MACROD2: variants seen among roughly 807,000 people sequenced by gnomAD.
The protein encoded by MACROD2 is mono-ADP ribosylhydrolase 2, also known as ADP-ribose glycohydrolase MACROD2.
A neutral mutation model predicts 70.4 loss-of-function variants in MACROD2; 36 were observed. That is an observed-to-expected ratio of 0.51 (90% confidence interval 0.39 to 0.68). The LOEUF is 0.68. Among genes scored for constraint, MACROD2 ranks in the 30% least tolerant of loss-of-function variants. The pLI is 0.00. For synonymous variants in MACROD2, 172 were observed against 178.8 expected (o/e 0.96, Z 0.30); for missense variants, 496 against 538.4 (o/e 0.92, Z 0.78).
chr20:15,902,368 T>C (rs1005033354), intron 10 of MACROD2, among the ~76,000 whole-genome samples: 1 of 152,056 alleles, frequency 6.6e-6, no homozygotes, highest in Admixed American at 6.5e-5. Context: ...AGGCCTCTAC[T>C]CTCTTGGGGC....
intron 8 of MACROD2, among the ~76,000 whole-genome samples, chr20:15,830,164 G>A (rs1313972049): frequency 6.6e-6 from 1 of 152,146 alleles, no homozygotes; most frequent in Non-Finnish European, 1.5e-5. Context: ...CATAGGTGGA[G>A]ATCATGTCAA....
At chr20:14,137,260 CTCTATTCTTACAAGAG>C (rs1463095789) in intron 3 of MACROD2, among the ~76,000 whole-genome samples, 2 of 152,138 alleles carry the variant, frequency 1.3e-5, no homozygotes, top group Non-Finnish European at 2.9e-5. Flanking sequence ...GTATTACATA[CTCTATTCTTACAAGAG>C]TAAGCTAGAG....
At chr20:15,620,073 A>G in intron 8 of MACROD2, among the ~76,000 whole-genome samples, 1 of 152,122 alleles carries the variant, frequency 6.6e-6, no homozygotes, top group East Asian at 1.9e-4. Context: ...TGATGAAATG[A>G]TGGCAAGGCT....
At chr20:15,787,690 C>T (rs1175861332) in intron 8 of MACROD2, among the ~76,000 whole-genome samples, 1 of 151,900 alleles carries the variant, frequency 6.6e-6, no homozygotes, top group Admixed American at 6.6e-5. Context: ...ATATTGACTC[C>T]AACTTTTAAA....
intron 15 of MACROD2, among the ~76,000 whole-genome samples, chr20:16,012,887 G>C (rs2066881574): frequency 6.6e-6 from 1 of 152,132 alleles, no homozygotes; most frequent in African/African-American, 2.4e-5. Flanking sequence ...ACCAATAGAA[G>C]AGCTAGAAAG....
At chr20:15,223,490 T>A (rs1453659719) in intron 5 of MACROD2, among the ~76,000 whole-genome samples, 2 of 152,202 alleles carry the variant, frequency 1.3e-5, no homozygotes, top group Non-Finnish European at 2.9e-5. Context: ...GTGCCAGTCA[T>A]TTCTATCTAG....
At chr20:15,794,014 A>G (rs2063650223) in intron 8 of MACROD2, among the ~76,000 whole-genome samples, 2 of 151,150 alleles carry the variant, frequency 1.3e-5, no homozygotes, top group Admixed American at 1.3e-4. Context: ...AAGAATGACA[A>G]TATGCAGCAT....
intron 3 of MACROD2, among the ~76,000 whole-genome samples, chr20:14,206,135 T>C (rs1958095352): frequency 1.3e-5 from 2 of 152,178 alleles, no homozygotes; most frequent in South Asian, 4.1e-4. Flanking sequence ...TGACATTCAG[T>C]GGACAGAGCA....
chr20:15,669,456 G>C (rs1319386365), intron 8 of MACROD2, among the ~76,000 whole-genome samples: 1 of 152,156 alleles, frequency 6.6e-6, no homozygotes, highest in African/African-American at 2.4e-5. Flanking sequence ...TCTTGAAACT[G>C]TCAGTAATGT....
At chr20:14,899,435 A>G (rs2073869842) in intron 5 of MACROD2, among the ~76,000 whole-genome samples, 1 of 152,128 alleles carries the variant, frequency 6.6e-6, no homozygotes, top group South Asian at 2.1e-4. Flanking sequence ...AATTTGTTCC[A>G]TAGCTATCCC....
At chr20:15,304,866 G>A (rs2077681859) in intron 6 of MACROD2, among the ~76,000 whole-genome samples, 2 of 152,228 alleles carry the variant, frequency 1.3e-5, no homozygotes, top group African/African-American at 4.8e-5. Flanking sequence ...TTTGGTCTGT[G>A]TGCCCTCATG....
At chr20:14,122,220 G>A (rs567281281) in intron 3 of MACROD2, among the ~76,000 whole-genome samples, 61 of 152,232 alleles carry the variant, frequency 4.0e-4, no homozygotes, top group African/African-American at 1.4e-3. Context: ...GATTTGAATT[G>A]TCTCTCTTTT....
intron 5 of MACROD2, among the ~76,000 whole-genome samples, chr20:15,179,142 C>T (rs751315522): frequency 1.3e-4 from 20 of 152,100 alleles, no homozygotes; most frequent in Admixed American, 1.3e-3. Context: ...AGAGTATTGA[C>T]TGGTAGGTGG....
intron 4 of MACROD2, among the ~76,000 whole-genome samples, chr20:14,531,595 A>G (rs763592351): frequency 6.6e-6 from 1 of 152,242 alleles, no homozygotes; most frequent in South Asian, 2.1e-4. Flanking sequence ...AATTTGTTAC[A>G]GAAACCCAAG....
At chr20:15,516,533 G>A (rs988755847) in intron 8 of MACROD2, among the ~76,000 whole-genome samples, 2 of 152,286 alleles carry the variant, frequency 1.3e-5, no homozygotes, top group African/African-American at 4.8e-5. Flanking sequence ...GATAAAGGGT[G>A]CCCAGGGCAG....
intron 8 of MACROD2, among the ~76,000 whole-genome samples, chr20:15,713,022 G>A (rs1191333746): frequency 6.6e-6 from 1 of 152,022 alleles, no homozygotes; most frequent in Non-Finnish European, 1.5e-5. Context: ...AGTCATTAAG[G>A]GTCTGGCTTC....
chr20:14,478,524 T>A (rs991674410), intron 3 of MACROD2, among the ~76,000 whole-genome samples: 4 of 152,296 alleles, frequency 2.6e-5, no homozygotes, highest in South Asian at 2.1e-4. Flanking sequence ...TTTTAAAAAA[T>A]TTATCTTATT....
At chr20:15,548,491 G>T (rs917269294) in intron 8 of MACROD2, among the ~76,000 whole-genome samples, 33 of 152,224 alleles carry the variant, frequency 2.2e-4, no homozygotes, top group Non-Finnish European at 3.7e-4. Context: ...CACCCCAAGG[G>T]TTCAAGCGAT....
chr20:14,904,720 A>C (rs571522316), intron 5 of MACROD2, among the ~76,000 whole-genome samples: 1 of 152,328 alleles, frequency 6.6e-6, no homozygotes, highest in South Asian at 2.1e-4. Context: ...TACAATATGA[A>C]TAACAATAGC....
Sources: gnomAD v4.1 joint callset for allele counts (sites outside exome capture counted in the v4.1 genomes callset) on GRCh38, gnomAD v4.1.1 for gene constraint, MANE v1.5 for transcripts, NCBI Gene and HGNC (gene_info 2026-07-23, HGNC 2026-07-21) for gene names.